The following SQLE variants were observed in gnomAD, a reference collection of about 807,000 sequenced individuals.
SQLE encodes squalene epoxidase.
In SQLE, 29 loss-of-function variants were observed where a neutral mutation model predicts 60.7. The observed-to-expected ratio is 0.48, with a 90% CI of 0.36 to 0.65. The LOEUF is 0.65. Ranked by LOEUF, SQLE falls within the 30% of genes least tolerant of loss-of-function variation. The probability of loss-of-function intolerance (pLI) is 0.00; values close to 1 mark genes in which losing one functional copy is unlikely to be tolerated. For missense variants in SQLE, 605 were observed against 684.1 expected (o/e 0.88, Z 1.29); for synonymous variants, 237 against 246.8 (o/e 0.96, Z 0.37).
intron 7 of SQLE, among the ~76,000 whole-genome samples, chr8:125,011,933 A>AT (rs901473437): frequency 3.3e-5 from 5 of 150,124 alleles, no homozygotes; most frequent in African/African-American, 1.2e-4. Context: ...AAACCCACAG[A>AT]TTCAGTGTCA....
intron 2 of SQLE, 70 bp from the exon 3 acceptor site, chr8:125,005,455 T>G (rs1490356085): frequency 7.3e-7 from 1 of 1,365,600 alleles, no homozygotes; most frequent in Non-Finnish European, 9.8e-7. Context: ...TGTGTGTGTC[T>G]TCTTTGGTTC....
At chr8:125,005,822 ATG>A in intron 3 of SQLE, 117 bp downstream of exon 3, 3 of 727,552 alleles carry the variant, frequency 4.1e-6, no homozygotes, top group Middle Eastern at 4.3e-4. Flanking sequence ...TCTAGAACAT[ATG>A]TATATTAAAA....
chr8:125,014,809 T>A (rs1184231957), intron 7 of SQLE, among the ~76,000 whole-genome samples: 1 of 152,224 alleles, frequency 6.6e-6, no homozygotes, highest in African/African-American at 2.4e-5. Flanking sequence ...TTGAATTTTT[T>A]AAGCCTTGTT....
chr8:125,022,032 C>A lies in SQLE; in HGVS notation c.*87C>A. On this transcript the variant is annotated 3_prime_UTR_variant, in exon 11 of 11. Transcript: ENST00000265896. ...GGAAGAGGATATATATAGCATAGTA[C>A]CATACCACTTATAAAGTGGAAACTC... 1.1e-6 allele frequency: 1 copy of A among 900,558 alleles called. No individual in the cohort carries two copies. The highest frequency in any genetic ancestry group is 1.5e-6 in the Non-Finnish European group (1 of 665,436). The allele number at this position is 900,558 out of a possible 1,614,324, so 55.8% of individuals were successfully genotyped here.
intron 4 of SQLE, among the ~76,000 whole-genome samples, chr8:125,008,236 T>C (rs1247819177): frequency 1.3e-5 from 2 of 152,114 alleles, no homozygotes; most frequent in African/African-American, 4.8e-5. Flanking sequence ...ATTACAGGCA[T>C]GCTTCACCGC....
At position 124,999,582 on chromosome 8, in the gene SQLE, G is replaced by C; in HGVS notation, c.179G>C (p.Gly60Ala). 6.2e-7 allele frequency: 1 copy of C among 1,613,518 alleles called. No individual in the cohort carries two copies. The highest frequency in any genetic ancestry group is 1.1e-5 in the South Asian group (1 of 90,944). ...NGGLLGRQQS[G>A]SQFALFSDIL... Reference sequence around the variant, plus strand: ...GGTCTCCTCGGGCGCCAGCAGAGCGGCTCCCAGTTCGCCCTCTTCTCGGAT... The same window carrying C: ...GGTCTCCTCGGGCGCCAGCAGAGCGCCTCCCAGTTCGCCCTCTTCTCGGAT... Residue 60 changes from glycine to alanine, a missense_variant, in exon 1 of 11, where the codon GGC becomes GCC. By Grantham distance (60) the Gly-to-Ala change is moderately conservative (BLOSUM62 0). Coordinates refer to ENST00000265896, the MANE Select transcript of SQLE (RefSeq NM_003129.4).
intron 3 of SQLE, among the ~76,000 whole-genome samples, chr8:125,006,977 AC>A (rs1161466790): frequency 6.6e-6 from 1 of 152,208 alleles, no homozygotes; most frequent in Non-Finnish European, 1.5e-5. Flanking sequence ...TTCTGGGATT[AC>A]AGGTGTGAGC....
intron 1 of SQLE, among the ~76,000 whole-genome samples, chr8:125,000,885 C>T (rs1814835838): frequency 6.6e-6 from 1 of 152,122 alleles, no homozygotes; most frequent in African/African-American, 2.4e-5. Flanking sequence ...TAAATTTTTG[C>T]GCCACCATTT....
At chr8:125,019,297 AAAAGAGGCCAG>A (rs1815163208) in intron 9 of SQLE, among the ~76,000 whole-genome samples, 3 of 152,158 alleles carry the variant, frequency 2.0e-5, no homozygotes, top group Admixed American at 2.0e-4. Context: ...GAAATGGAGG[AAAAGAGGCCAG>A]GCGAAATGAT....
rs1815099744 is a variant in SQLE, at chr8:125,015,678, T to A, written c.1205-2381T>A. 2.6e-5 allele frequency among the ~76,000 whole-genome samples: 4 copies of A among 152,226 alleles called. No individual in the cohort carries two copies. The South Asian group carries it at 8.3e-4, about 31-fold the overall frequency. On this transcript the variant is annotated intron_variant, in intron 7 of 10. Transcript: ENST00000265896. Reference sequence around the variant, plus strand: ...AAACTCTACACTTTATCCTCCTTGCTTTTTAACTTTTGTGAGTTTTGTACC... The same window carrying A: ...AAACTCTACACTTTATCCTCCTTGCATTTTAACTTTTGTGAGTTTTGTACC...
At chr8:125,002,548 A>T (rs1588111558) in intron 1 of SQLE, among the ~76,000 whole-genome samples, 1 of 152,264 alleles carries the variant, frequency 6.6e-6, no homozygotes, top group African/African-American at 2.4e-5. Context: ...ATGGTTGCAC[A>T]TGCCTATAAT....
chr8:125,021,710 T>C (rs1387370428), intron 10 of SQLE, 43 bp from the exon 11 acceptor site: 17 of 1,415,850 alleles, frequency 1.2e-5, no homozygotes, highest in Non-Finnish European at 1.6e-5. Flanking sequence ...GGAGTAAATT[T>C]TAGTTTCTGA....
Position 125,006,861 on chromosome 8 carries a change from C to T in SQLE, c.726-530C>T, listed in dbSNP as rs575463768. On this transcript the variant is annotated intron_variant, in intron 3 of 10. Coordinates refer to ENST00000265896, the MANE Select transcript of SQLE (RefSeq NM_003129.4). Reference sequence around the variant, plus strand: ...CTGGGATTACAGGCACATGCCACCACGCCTGGCAAATTTTTGTATTTTTAG... The same window carrying T: ...CTGGGATTACAGGCACATGCCACCATGCCTGGCAAATTTTTGTATTTTTAG... Among the ~76,000 whole-genome samples the T allele has an allele frequency of 5.9e-4, 90 of 151,784 alleles. No individual in the cohort carries two copies. In the East Asian group the frequency reaches 0.016, roughly 28 times the overall value.
rs1356931509 is a variant in SQLE, at chr8:125,007,407, G to A, written c.742G>A (p.Gly248Ser). 11 of 1,551,592 alleles carry A rather than the reference G, an allele frequency of 7.1e-6. No homozygotes were observed. The highest frequency in any genetic ancestry group is 9.6e-6 in the Non-Finnish European group (11 of 1,146,920). The change falls in exon 4 of 11, where the codon GGT becomes AGT. Residue 248 changes from glycine to serine, a missense_variant. Coordinates refer to ENST00000265896, the MANE Select transcript of SQLE (RefSeq NM_003129.4). ...ATTCTTTAGTGCAAAGTTTATTGAA[G>A]GTGTTGTGTTACAGTTATTAGAGGA... ...MAEPNAKFIE[G>S]VVLQLLEEDD...
Position 125,003,573 on chromosome 8 carries a change from A to G in SQLE, c.544+145A>G, listed in dbSNP as rs1030613176. 63 of 955,406 alleles carry G rather than the reference A, an allele frequency of 6.6e-5. No homozygotes were observed. The African/African-American group carries it at 9.4e-4, about 14-fold the overall frequency. The allele number at this position is 955,406 out of a possible 1,614,324, so 59.2% of individuals were successfully genotyped here. A position where few individuals can be genotyped will look rare whatever the true frequency, so the allele number is the denominator to read the frequency against. On this transcript the variant is annotated intron_variant, in intron 2 of 10. Transcript: ENST00000265896. ...CTCATTTACCAACAAATTTGCATGA[A>G]AGTGAGAGCAAAGGATAAAATAAGC...
chr8:124,999,731 T>A, intron 1 of SQLE, 37 bp downstream of exon 1: 1 of 1,534,264 alleles, frequency 6.5e-7, no homozygotes, highest in Middle Eastern at 1.8e-4. Flanking sequence ...GAATGTCTTA[T>A]TTAGGAGTAG....
chr8:125,020,416 T>C (rs906251467), intron 9 of SQLE, among the ~76,000 whole-genome samples: 5 of 152,226 alleles, frequency 3.3e-5, no homozygotes, highest in Non-Finnish European at 5.9e-5. Context: ...TAGTTAGAGA[T>C]ACTGGTTGGA....
In SQLE at chr8:124,999,002, C is replaced by T; in HGVS notation, c.-402C>T. 3.6e-6 allele frequency: 1 copy of T among 281,306 alleles called. No individual in the cohort carries two copies. 17.4% of individuals were successfully genotyped at this position (281,306 alleles called of 1,614,324 possible). ...ACTCCCATTCCCTTCTGAAAGGGCA[C>T]CTGCTCTTGGTGAGAAAAGAAATTA... On this transcript the variant is annotated 5_prime_UTR_variant, in exon 1 of 11. Coordinates refer to ENST00000265896, the MANE Select transcript of SQLE (RefSeq NM_003129.4).
At position 124,998,977 on chromosome 8, in the gene SQLE, A is replaced by C. The variant is rs1563593990; in HGVS notation, c.-427A>C. 3.3e-6 allele frequency: 1 copy of C among 301,202 alleles called. No homozygotes were observed. Among genetic ancestry groups the C allele is most frequent in the Non-Finnish European group, 6.0e-6 (1 of 165,332 alleles). 18.7% of individuals were successfully genotyped at this position (301,202 alleles called of 1,614,324 possible). A position where few individuals can be genotyped will look rare whatever the true frequency, so the allele number is the denominator to read the frequency against. ...GAGGTGTTTCTGTGACCCTCCCTCC[A>C]CTCCCATTCCCTTCTGAAAGGGCAC... On this transcript the variant is annotated 5_prime_UTR_variant, in exon 1 of 11. Coordinates refer to ENST00000265896, the MANE Select transcript of SQLE (RefSeq NM_003129.4).
Sources: allele counts gnomAD v4.1 joint callset (sites outside exome capture counted in the v4.1 genomes callset), GRCh38; gene constraint gnomAD v4.1.1; transcripts MANE v1.5; gene names NCBI Gene and HGNC (gene_info 2026-07-23, HGNC 2026-07-21).